DTNA: variants seen among roughly 807,000 people sequenced by gnomAD.
DTNA encodes dystrobrevin alpha, also known as dystrophin-related protein 3.
A neutral mutation model predicts 100.7 loss-of-function variants in DTNA; 43 were observed. The observed-to-expected ratio is 0.43, with a 90% CI of 0.33 to 0.55. The LOEUF is 0.55. DTNA is among the 20% of genes least tolerant of loss of function. The probability of loss-of-function intolerance (pLI) is 0.04; values close to 1 mark genes in which losing one functional copy is unlikely to be tolerated. For missense variants in DTNA, 798 were observed against 953.9 expected (o/e 0.84, Z 2.15); for synonymous variants, 349 against 347.9 (o/e 1.00, Z -0.04).
At chr18:34,568,110 C>A (rs1032743744) in intron 1 of DTNA, among the ~76,000 whole-genome samples, 2 of 152,006 alleles carry the variant, frequency 1.3e-5, no homozygotes, top group Admixed American at 1.3e-4. Flanking sequence ...CAGTATGAAT[C>A]TGAGTCTTTG....
chr18:34,741,743 T>A (rs1327598036), intron 1 of DTNA, among the ~76,000 whole-genome samples: 1 of 151,746 alleles, frequency 6.6e-6, no homozygotes, highest in Non-Finnish European at 1.5e-5. Context: ...AATATTTATA[T>A]CTGATATTAG....
chr18:34,602,154 AC>A (rs1272197437), intron 1 of DTNA, among the ~76,000 whole-genome samples: 7 of 152,216 alleles, frequency 4.6e-5, no homozygotes, highest in East Asian at 1.9e-4. Flanking sequence ...AGTTTTAAGC[AC>A]TAACTATAAT....
At chr18:34,695,477 GGT>G (rs1258743984) in intron 1 of DTNA, among the ~76,000 whole-genome samples, 4 of 152,212 alleles carry the variant, frequency 2.6e-5, no homozygotes, top group African/African-American at 9.6e-5. Flanking sequence ...AATAAGCTGT[GGT>G]TGCCTGGTAA....
At chr18:34,633,710 C>T (rs1031136053) in intron 1 of DTNA, among the ~76,000 whole-genome samples, 5 of 152,146 alleles carry the variant, frequency 3.3e-5, no homozygotes, top group Non-Finnish European at 5.9e-5. Flanking sequence ...CCCTGTCTGA[C>T]CACCTAACAT....
chr18:34,881,619 G>A (rs1366896960), intron 20 of DTNA, among the ~76,000 whole-genome samples: 2 of 151,824 alleles, frequency 1.3e-5, no homozygotes, highest in African/African-American at 2.4e-5. Context: ...CACAAAAGAG[G>A]TTAAATTATA....
chr18:34,749,921 A>T (rs951268358), intron 1 of DTNA, among the ~76,000 whole-genome samples: 4 of 152,166 alleles, frequency 2.6e-5, no homozygotes, highest in African/African-American at 9.7e-5. Context: ...AGTAATATCA[A>T]AGGCCTTCCT....
chr18:34,756,147 G>C (rs1395477830), intron 2 of DTNA, 104 bp downstream of exon 2: 2 of 1,342,200 alleles, frequency 1.5e-6, no homozygotes, highest in Non-Finnish European at 2.1e-6. Flanking sequence ...TTTTCCTTAG[G>C]ATCCTAAGTT....
At chr18:34,712,092 A>G (rs1205638446) in intron 1 of DTNA, among the ~76,000 whole-genome samples, 2 of 152,116 alleles carry the variant, frequency 1.3e-5, no homozygotes, top group African/African-American at 2.4e-5. Flanking sequence ...GAAACTGACA[A>G]TATCTGAGGT....
chr18:34,543,479 G>A (rs2044454456), intron 1 of DTNA, among the ~76,000 whole-genome samples: 2 of 152,048 alleles, frequency 1.3e-5, no homozygotes, highest in Non-Finnish European at 2.9e-5. Context: ...AAGCTGTGCT[G>A]ATGAAAGTAC....
intron 1 of DTNA, among the ~76,000 whole-genome samples, chr18:34,644,362 T>C (rs1050198341): frequency 6.6e-5 from 10 of 152,180 alleles, no homozygotes; most frequent in Non-Finnish European, 1.0e-4. Context: ...TGTTTATGTT[T>C]ATTAGTTGAG....
At chr18:34,533,631 G>A (rs1045283628) in intron 1 of DTNA, among the ~76,000 whole-genome samples, 1 of 151,962 alleles carries the variant, frequency 6.6e-6, no homozygotes, top group Non-Finnish European at 1.5e-5. Flanking sequence ...CATGTTTTCT[G>A]AAAATTTAGT....
intron 6 of DTNA, 99 bp downstream of exon 6, chr18:34,812,212 T>A (rs1244052933): frequency 1.3e-6 from 2 of 1,526,890 alleles, no homozygotes; most frequent in Non-Finnish European, 1.8e-6. Context: ...CAAATTATTC[T>A]GTGTGATAGC....
chr18:34,848,421 C>G, intron 14 of DTNA, 38 bp downstream of exon 14: 1 of 1,598,526 alleles, frequency 6.3e-7, no homozygotes, highest in Non-Finnish European at 8.6e-7. Context: ...CTGTTGGCAT[C>G]TGGGATCCTT....
At chr18:34,688,459 G>A (rs887555826) in intron 1 of DTNA, among the ~76,000 whole-genome samples, 4 of 152,120 alleles carry the variant, frequency 2.6e-5, no homozygotes, top group Admixed American at 6.6e-5. Flanking sequence ...TAAGAATGTC[G>A]AATATTGGCC....
intron 17 of DTNA, among the ~76,000 whole-genome samples, chr18:34,871,417 T>A (rs764140288): frequency 4.6e-5 from 7 of 152,236 alleles, no homozygotes; most frequent in Non-Finnish European, 1.0e-4. Context: ...ATATATGTTT[T>A]CCTTCTTCCA....
At chr18:34,528,374 C>T (rs1486883721) in intron 1 of DTNA, among the ~76,000 whole-genome samples, 1 of 152,020 alleles carries the variant, frequency 6.6e-6, no homozygotes, top group East Asian at 1.9e-4. Flanking sequence ...TGGGTTATTC[C>T]TATTAGCTCA....
chr18:34,888,370 G>T lies in DTNA; in HGVS notation c.*636G>T, dbSNP rs950082928. 1 of 985,662 alleles carries T rather than the reference G, an allele frequency of 1.0e-6. No homozygotes were observed. Among genetic ancestry groups the T allele is most frequent in the Admixed American group, 6.1e-5 (1 of 16,262 alleles). 61.1% of individuals were successfully genotyped at this position (985,662 alleles called of 1,614,324 possible). On this transcript the variant is annotated 3_prime_UTR_variant, in exon 23 of 23. Transcript: ENST00000444659. ...AAACTCAGAGCCCGGAAGCCAAGAA[G>T]GGTCCTTGGCCTGCACGGTCTGTAG...
intron 1 of DTNA, among the ~76,000 whole-genome samples, chr18:34,574,691 A>G (rs1422070739): frequency 6.6e-6 from 1 of 152,146 alleles, no homozygotes; most frequent in African/African-American, 2.4e-5. Flanking sequence ...TGCAGTAATG[A>G]TGTGATCATA....
intron 1 of DTNA, among the ~76,000 whole-genome samples, chr18:34,556,199 CT>C (rs2046023827): frequency 6.6e-6 from 1 of 151,012 alleles, no homozygotes; most frequent in Admixed American, 6.6e-5. Flanking sequence ...CAACCCCTGC[CT>C]TTTTTTGTTT....
Sources: gnomAD v4.1 joint callset for allele counts (sites outside exome capture counted in the v4.1 genomes callset) on GRCh38, gnomAD v4.1.1 for gene constraint, MANE v1.5 for transcripts, NCBI Gene and HGNC (gene_info 2026-07-23, HGNC 2026-07-21) for gene names.